The following MAU2 variants were observed in gnomAD, a reference collection of about 807,000 sequenced individuals.
MAU2 encodes MAU2 chromatid cohesion factor homolog.
In MAU2, 9 loss-of-function variants were observed where a neutral mutation model predicts 89.1. That is an observed-to-expected ratio of 0.10 (90% CI 0.06 to 0.18). The LOEUF (loss-of-function observed/expected upper bound fraction) is 0.18, where lower values mean the gene tolerates loss of function less well. Among genes scored for constraint, MAU2 ranks in the 10% least tolerant of loss-of-function variants. The pLI is 1.00. For synonymous variants in MAU2, 357 were observed against 343.4 expected, an observed-to-expected ratio of 1.04 and a Z score of -0.44; for missense variants, 425 against 803.5, an observed-to-expected ratio of 0.53 and a Z score of 5.69.
At chr19:19,349,910 G>A (rs1599924397) in intron 16 of MAU2, among the ~76,000 whole-genome samples, 1 of 151,996 alleles carries the variant, frequency 6.6e-6, no homozygotes, top group East Asian at 1.9e-4. Context: ...TGGTGGGACT[G>A]GCCGCCTCAG....
chr19:19,343,029 A>G (rs964860596), intron 9 of MAU2, among the ~76,000 whole-genome samples, 163 bp downstream of exon 9: 2 of 152,136 alleles, frequency 1.3e-5, no homozygotes, highest in South Asian at 2.1e-4. Flanking sequence ...CTGGTGTCCA[A>G]CGTCAGAGCA....
At chr19:19,323,265 G>A (rs989499656) in intron 1 of MAU2, among the ~76,000 whole-genome samples, 36 of 151,362 alleles carry the variant, frequency 2.4e-4, no homozygotes, top group African/African-American at 8.5e-4. Context: ...CGCGGTCTTG[G>A]CTCACTGCAA....
At chr19:19,325,089 G>T (rs1021185342) in intron 1 of MAU2, among the ~76,000 whole-genome samples, 4 of 152,148 alleles carry the variant, frequency 2.6e-5, no homozygotes, top group Non-Finnish European at 4.4e-5. Context: ...AGCCAACCCA[G>T]TGTAACAGTA....
chr19:19,341,375 C>T lies in MAU2; in HGVS notation c.703C>T (p.Leu235Phe), dbSNP rs1427449760. 6.2e-7 allele frequency: 1 copy of T among 1,613,990 alleles called. No individual in the cohort carries two copies. Residue 235 changes from leucine (L) to phenylalanine (F), a missense_variant, in exon 7 of 19, where the codon CTC (leucine) becomes TTC (phenylalanine). Transcript: ENST00000262815. ...KESLRVFFLV[L>F]QVTHYLDAGQ... ...GTCGCTGCGTGTCTTCTTCCTGGTG[C>T]TCCAGGTCACCCACTATCTGGATGC... is the stretch of plus-strand genomic sequence containing the variant.
Position 19,349,194 on chromosome 19 carries a change from G to A in MAU2, c.1398G>A (p.Gly466=), listed in dbSNP as rs2061721452. 2.5e-6 allele frequency: 4 copies of A among 1,614,054 alleles called. No individual in the cohort carries two copies. The highest frequency in any genetic ancestry group is 2.5e-6 in the Non-Finnish European group (3 of 1,180,056). The change falls in exon 15 of 19, where the codon GGG becomes GGA. Residue 466 remains glycine, a synonymous_variant. Transcript: ENST00000262815. ...GAGCAGCCGCCTTCTATGTGCGTGGGCTCTTCTCCTTCTTCCAGGGACGCT... is the reference window on the plus strand; with the variant it reads ...GAGCAGCCGCCTTCTATGTGCGTGGACTCTTCTCCTTCTTCCAGGGACGCT... ...CLRAAAFYVR[G]LFSFFQGRYN...
In MAU2 at chr19:19,337,278, G is replaced by GC; in HGVS notation, c.456+16dup. 6.2e-7 allele frequency: 1 copy of GC among 1,608,726 alleles called. No homozygotes were observed. Among genetic ancestry groups the GC allele is most frequent in the Non-Finnish European group, 8.5e-7 (1 of 1,176,256 alleles). The stretch of plus-strand genomic sequence containing the variant: ...CTTCCAGCTCGCTGTGAGTACCGCG[G>GC]CCCGGGAACGAGGGTGCCCGGCAGG... On this transcript the variant is annotated intron_variant, in intron 4 of 18. Transcript: ENST00000262815.
chr19:19,347,783 G>C (rs1379318776), intron 13 of MAU2: 1 of 161,382 alleles, frequency 6.2e-6, no homozygotes, highest in Admixed American at 6.3e-5. Context: ...GCAGTGTTGG[G>C]TGGGGATGCC....
chr19:19,356,336 C>T lies in MAU2; in HGVS notation c.*554C>T, dbSNP rs1465029095. ...TCCCAGCTTTCTCTCCAGCATCAGT[C>T]CCTGCAGCAGCTGGGGCCTCTGGTC... On this transcript the variant is annotated 3_prime_UTR_variant, in exon 19 of 19. Transcript: ENST00000262815. 2 of 326,534 alleles carry T rather than the reference C, an allele frequency of 6.1e-6. No homozygotes were observed. The highest frequency in any genetic ancestry group is 1.7e-4 in the East Asian group (2 of 12,026). 20.2% of individuals were successfully genotyped at this position (326,534 alleles called of 1,614,324 possible). A position where few individuals can be genotyped will look rare whatever the true frequency, so the allele number is the denominator to read the frequency against.
intron 1 of MAU2, 77 bp from the exon 2 acceptor site, chr19:19,335,641 G>A: frequency 6.8e-7 from 1 of 1,479,378 alleles, no homozygotes; most frequent in Non-Finnish European, 9.5e-7. Flanking sequence ...GACAACCTGT[G>A]GAAGCCCCAG....
chr19:19,349,284 C>T (rs772190969), intron 15 of MAU2, 41 bp from the exon 16 acceptor site: 4 of 1,613,668 alleles, frequency 2.5e-6, no homozygotes, highest in South Asian at 1.1e-5. Context: ...GTAGCCCAGG[C>T]CCCGTCCTGC....
In MAU2 at chr19:19,357,752, T is replaced by A. The variant is rs1419790148; in HGVS notation, c.*1970T>A. ...AAGTTTACAATTAAAAACTCAGTAC[T>A]CAATATTTAATATTCTACTCGAGCT... is the stretch of plus-strand genomic sequence containing the variant. On this transcript the variant is annotated 3_prime_UTR_variant, in exon 19 of 19. Transcript: ENST00000262815. The A allele has an allele frequency of 6.6e-6, 1 of 152,268 alleles. No homozygotes were observed. Among genetic ancestry groups the A allele is most frequent in the African/African-American group, 2.4e-5 (1 of 41,416 alleles). The allele number at this position is 152,268 out of a possible 1,614,324, so 9.4% of individuals were successfully genotyped here.
At chr19:19,337,827 G>C (rs956708004) in intron 4 of MAU2, among the ~76,000 whole-genome samples, 5 of 152,228 alleles carry the variant, frequency 3.3e-5, no homozygotes, top group Admixed American at 2.6e-4. Context: ...GGCCCCCCCA[G>C]ATATAGGTGA....
intron 1 of MAU2, among the ~76,000 whole-genome samples, chr19:19,327,020 C>T (rs2061514765): frequency 6.6e-6 from 1 of 151,512 alleles, no homozygotes; most frequent in Non-Finnish European, 1.5e-5. Flanking sequence ...CTGTGTTGCC[C>T]AGGCTGGTCT....
intron 1 of MAU2, among the ~76,000 whole-genome samples, chr19:19,326,733 TATAC>T (rs2061511853): frequency 7.4e-6 from 1 of 135,518 alleles, no homozygotes; most frequent in African/African-American, 2.7e-5. Flanking sequence ...TATATATATA[TATAC>T]ACAAAAATTA....
rs569114834 is a variant in MAU2 at position 19,356,077 on chromosome 19, G to A, written c.*295G>A. ...CCTGCCTCAGCATCTGGGTCACGTC[G>A]GCCAGGAGTAGGGTGCAGGCCTCCA... On this transcript the variant is annotated 3_prime_UTR_variant, in exon 19 of 19. Coordinates refer to ENST00000262815, the MANE Select transcript of MAU2 (RefSeq NM_015329.4). 29 of 574,516 alleles carry A rather than the reference G, an allele frequency of 5.0e-5. No individual in the cohort carries two copies. In the East Asian group the frequency reaches 7.5e-4, roughly 15 times the overall value. 35.6% of individuals were successfully genotyped at this position (574,516 alleles called of 1,614,324 possible). A position where few individuals can be genotyped will look rare whatever the true frequency, so the allele number is the denominator to read the frequency against.
rs1423238162 is a variant in MAU2, at chr19:19,346,000, G to T, written c.1221+631G>T. Among the ~76,000 whole-genome samples, 1 of 152,190 alleles carries T rather than the reference G, an allele frequency of 6.6e-6. No individual in the cohort carries two copies. Among genetic ancestry groups the T allele is most frequent in the Admixed American group, 6.5e-5 (1 of 15,290 alleles). On this transcript the variant is annotated intron_variant, in intron 12 of 18. Coordinates refer to ENST00000262815, the MANE Select transcript of MAU2 (RefSeq NM_015329.4). The surrounding 1 kb of genome is among the most constrained non-coding windows in gnomAD (Gnocchi z 4.9). The stretch of plus-strand genomic sequence containing the variant: ...CTTTTTCCTGGTGGTGCCAGGAAGG[G>T]CCCTGAGGAGAGGTGTCAGGGAGCA...
chr19:19,333,249 C>T (rs2061570251), intron 1 of MAU2, among the ~76,000 whole-genome samples: 1 of 152,102 alleles, frequency 6.6e-6, no homozygotes, highest in South Asian at 2.1e-4. Context: ...CCTTTGAAGC[C>T]CAAGACAGGA....
intron 4 of MAU2, among the ~76,000 whole-genome samples, chr19:19,337,482 G>A (rs991040906): frequency 1.3e-4 from 20 of 152,370 alleles, no homozygotes; most frequent in African/African-American, 3.8e-4. Context: ...CCTGGCTCTC[G>A]GCAACACCCA....
In MAU2 at chr19:19,355,824, T is replaced by C. The variant is rs772395479; in HGVS notation, c.*42T>C. 1 of 1,562,390 alleles carries C rather than the reference T, an allele frequency of 6.4e-7. No homozygotes were observed. The highest frequency in any genetic ancestry group is 1.3e-5 in the African/African-American group (1 of 74,172). ...TCCAGCTCCGCAGGGCCTGCGCGTCTCCGGCTTCCACCCAGACGGCACTCA... is the reference window on the plus strand; with the variant it reads ...TCCAGCTCCGCAGGGCCTGCGCGTCCCCGGCTTCCACCCAGACGGCACTCA... On this transcript the variant is annotated 3_prime_UTR_variant, in exon 19 of 19. Transcript: ENST00000262815.
Sources: allele counts gnomAD v4.1 joint callset (sites outside exome capture counted in the v4.1 genomes callset), GRCh38; gene constraint gnomAD v4.1.1; non-coding constraint Gnocchi (gnomAD v3.1); transcripts MANE v1.5; gene names NCBI Gene and HGNC (gene_info 2026-07-23, HGNC 2026-07-21).